CDHR2: variants seen among roughly 807,000 people sequenced by gnomAD.
CDHR2 encodes cadherin-related family member 2.
A neutral mutation model predicts 138.6 loss-of-function variants in CDHR2; 104 were observed. The ratio of observed to expected loss-of-function variants is 0.75; its 90% CI spans 0.64 to 0.88. The LOEUF is 0.88. Among genes scored for constraint, CDHR2 ranks in the 40% least tolerant of loss-of-function variants. The pLI is 0.00. For missense variants in CDHR2, 1,624 were observed against 1,727.6 expected, an observed-to-expected ratio of 0.94 and a Z score of 1.06; for synonymous variants, 755 against 742.8, an observed-to-expected ratio of 1.02 and a Z score of -0.27.
rs944265341 is a variant in CDHR2, at chr5:176,576,227, A to G, written c.1194+42A>G. 2.0e-6 allele frequency: 3 copies of G among 1,464,736 alleles called. No individual in the cohort carries two copies. Among genetic ancestry groups the G allele is most frequent in the Middle Eastern group, 1.9e-4 (1 of 5,348 alleles). The allele number at this position is 1,464,736 out of a possible 1,614,324, so 90.7% of individuals were successfully genotyped here. A position where few individuals can be genotyped will look rare whatever the true frequency, so the allele number is the denominator to read the frequency against. ...GGGTGTGGGCGGGGGTGGCTGGGGG[A>G]GGCCAGTGGGAGCCTGGATCGAGTG... On this transcript the variant is annotated intron_variant, in intron 12 of 31. Coordinates refer to ENST00000261944, the MANE Select transcript of CDHR2 (RefSeq NM_017675.6). This position sits in a 1 kb window ranked among gnomAD's most constrained non-coding sequence, Gnocchi z 4.5.
chr5:176,560,257 C>T (rs953986489), intron 1 of CDHR2, among the ~76,000 whole-genome samples: 5 of 151,944 alleles, frequency 3.3e-5, no homozygotes, highest in Admixed American at 1.3e-4. Context: ...ATTAGCCAGG[C>T]GTGGTGGCGC....
intron 2 of CDHR2, 117 bp from the exon 3 acceptor site, chr5:176,565,555 C>A: frequency 8.1e-7 from 1 of 1,231,890 alleles, no homozygotes; most frequent in Non-Finnish European, 1.2e-6. Context: ...GGGAGGAATC[C>A]AGGCCTGGAC....
intron 5 of CDHR2, 60 bp from the exon 6 acceptor site, chr5:176,571,152 GC>G: frequency 2.7e-6 from 3 of 1,121,462 alleles, no homozygotes; most frequent in Non-Finnish European, 4.0e-6. Context: ...TACGATACTT[GC>G]AACTTTTCTG....
chr5:176,581,094 C>A (rs1422746608), intron 16 of CDHR2, among the ~76,000 whole-genome samples: 2 of 152,062 alleles, frequency 1.3e-5, no homozygotes, highest in Non-Finnish European at 2.9e-5. Context: ...CGGGGCTGGG[C>A]ACGTAGGTCC....
rs527634254 is a variant in CDHR2 at position 176,574,232 on chromosome 5, AC to A, written c.495+61del. On this transcript the variant is annotated intron_variant, in intron 7 of 31. Coordinates refer to ENST00000261944, the MANE Select transcript of CDHR2 (RefSeq NM_017675.6). Reference sequence around the variant, plus strand: ...CCGCCAGGGGGCAGCATCTCCACAGACAACCCACAGGGCCTGAACGTTGGGG... The same window carrying A: ...CCGCCAGGGGGCAGCATCTCCACAGAAACCCACAGGGCCTGAACGTTGGGG... 372 of 1,285,592 alleles carry A rather than the reference AC, an allele frequency of 2.9e-4. 7 individuals are homozygous for A. The South Asian group carries it at 4.3e-3, about 15-fold the overall frequency. The allele number at this position is 1,285,592 out of a possible 1,614,324, so 79.6% of individuals were successfully genotyped here.
intron 5 of CDHR2, among the ~76,000 whole-genome samples, chr5:176,570,690 G>A (rs1207511909): frequency 2.0e-5 from 3 of 152,180 alleles, no homozygotes; most frequent in East Asian, 3.9e-4. Flanking sequence ...GGTGGTGCAC[G>A]CCTGTAATCC....
At chr5:176,571,563 G>A (rs1223806195) in intron 6 of CDHR2, among the ~76,000 whole-genome samples, 1 of 151,828 alleles carries the variant, frequency 6.6e-6, no homozygotes, top group African/African-American at 2.4e-5. Context: ...TGTAGACGGA[G>A]TCTCACTCTG....
chr5:176,587,555 C>A (rs933259048), intron 21 of CDHR2, among the ~76,000 whole-genome samples: 3 of 152,120 alleles, frequency 2.0e-5, no homozygotes, highest in African/African-American at 7.2e-5. Context: ...GTGGCCATGC[C>A]GTGTGGGGAT....
intron 31 of CDHR2, among the ~76,000 whole-genome samples, chr5:176,594,980 A>G (rs12517611): frequency 0.34 from 51,681 of 151,858 alleles, 10,163 homozygotes; most frequent in Non-Finnish European, 0.44. Flanking sequence ...GGCAGCAAAA[A>G]GAGACGTCAA....
intron 22 of CDHR2, 36 bp from the exon 23 acceptor site, chr5:176,589,294 G>C (rs763303984): frequency 4.3e-5 from 68 of 1,565,796 alleles, no homozygotes; most frequent in Non-Finnish European, 5.6e-5. Context: ...TTCAGCTTGG[G>C]TTCCAAGACT....
At chr5:176,592,869 G>C (rs915598418) in intron 31 of CDHR2, 89 bp downstream of exon 31, 2 of 1,134,248 alleles carry the variant, frequency 1.8e-6, no homozygotes. Context: ...ACCTGCTACT[G>C]ACATGGGCAG....
At position 176,576,536 on chromosome 5, in the gene CDHR2, G is replaced by A. The variant is rs1347147136; in HGVS notation, c.1194+351G>A. 6.6e-6 allele frequency among the ~76,000 whole-genome samples: 1 copy of A among 151,868 alleles called. No individual in the cohort carries two copies. Among genetic ancestry groups the A allele is most frequent in the Admixed American group, 6.6e-5 (1 of 15,266 alleles). On this transcript the variant is annotated intron_variant, in intron 12 of 31. Transcript: ENST00000261944. The surrounding 1 kb of genome is among the most constrained non-coding windows in gnomAD (Gnocchi z 4.5). ...CCTGGGAACTGGGGGAGGCTGAGCA[G>A]TGTTGGGACAAGTGGTCTGAGGGTG...
intron 3 of CDHR2, 60 bp downstream of exon 3, chr5:176,565,803 G>T: frequency 7.2e-7 from 1 of 1,384,628 alleles, no homozygotes; most frequent in South Asian, 1.2e-5. Context: ...AAAGTCCTGG[G>T]GTGCCCTCTG....
intron 9 of CDHR2, 37 bp from the exon 10 acceptor site, chr5:176,575,469 G>A (rs1339546318): frequency 1.9e-6 from 3 of 1,614,020 alleles, no homozygotes; most frequent in Middle Eastern, 1.6e-4. Context: ...GCGGGAGGCG[G>A]GGAAGTTTGA....
chr5:176,584,112 G>T, intron 17 of CDHR2, 78 bp from the exon 18 acceptor site: 1 of 1,209,960 alleles, frequency 8.3e-7, no homozygotes, highest in South Asian at 1.2e-5. Context: ...TTGGAGCACA[G>T]GGATTATTGG....
At chr5:176,565,498 C>G in intron 2 of CDHR2, 94 bp downstream of exon 2, 6 of 1,359,332 alleles carry the variant, frequency 4.4e-6, no homozygotes, top group South Asian at 1.2e-5. Context: ...CAGCAAACAC[C>G]AGCTCCTATG....
At chr5:176,577,821 G>C in intron 14 of CDHR2, 23 bp downstream of exon 14, 1 of 1,612,504 alleles carries the variant, frequency 6.2e-7, no homozygotes, top group Non-Finnish European at 8.5e-7. Flanking sequence ...GACACAGTGG[G>C]GCTGTGGGGT....
chr5:176,579,420 G>A (rs147264543), intron 16 of CDHR2, among the ~76,000 whole-genome samples: 1,566 of 152,274 alleles, frequency 0.01, 28 homozygotes, highest in African/African-American at 0.035. Context: ...AAATGATGGC[G>A]CTGGGGCTGC....
chr5:176,590,985 A>G (rs573653994), intron 28 of CDHR2, among the ~76,000 whole-genome samples: 1 of 152,310 alleles, frequency 6.6e-6, no homozygotes, highest in African/African-American at 2.4e-5. Context: ...GCTTTTTCCA[A>G]CATGTATAGA....
Sources: allele counts gnomAD v4.1 joint callset (sites outside exome capture counted in the v4.1 genomes callset), GRCh38; gene constraint gnomAD v4.1.1; non-coding constraint Gnocchi (gnomAD v3.1); transcripts MANE v1.5; gene names NCBI Gene and HGNC (gene_info 2026-07-23, HGNC 2026-07-21).